The following GBE1 variants were observed in gnomAD, a reference collection of about 807,000 sequenced individuals.
GBE1 encodes the protein 1,4-alpha-glucan-branching enzyme.
In GBE1, 70 loss-of-function variants were observed where a neutral mutation model predicts 88.8. That is an observed-to-expected ratio of 0.79 (90% CI 0.65 to 0.96). The LOEUF (loss-of-function observed/expected upper bound fraction) is 0.96, where lower values mean the gene tolerates loss of function less well. Among genes scored for constraint, GBE1 ranks in the 40% least tolerant of loss-of-function variants. GBE1 has a pLI of 0.00. For missense variants in GBE1, 872 were observed against 871.0 expected, an observed-to-expected ratio of 1.00 and a Z score of -0.01; for synonymous variants, 284 against 300.1, an observed-to-expected ratio of 0.95 and a Z score of 0.56.
chr3:81,658,348 C>CA (rs909320026), intron 3 of GBE1, among the ~76,000 whole-genome samples: 37 of 150,040 alleles, frequency 2.5e-4, no homozygotes, highest in African/African-American at 5.4e-4. Flanking sequence ...ATGTATAGAA[C>CA]AAAAAAAAAG....
At chr3:81,660,710 C>CAA (rs11387316) in intron 3 of GBE1, among the ~76,000 whole-genome samples, 11 of 151,054 alleles carry the variant, frequency 7.3e-5, no homozygotes, top group South Asian at 4.2e-4. Context: ...TACTGAAGTG[C>CAA]AAAAAAAACA....
intron 7 of GBE1, among the ~76,000 whole-genome samples, chr3:81,641,694 T>A (rs922435434): frequency 2.6e-5 from 4 of 152,018 alleles, no homozygotes; most frequent in Non-Finnish European, 5.9e-5. Flanking sequence ...CTATGAAATA[T>A]AAAATAATGT....
chr3:81,630,675 T>A (rs1485532461), intron 7 of GBE1, among the ~76,000 whole-genome samples: 1 of 152,190 alleles, frequency 6.6e-6, no homozygotes, highest in Non-Finnish European at 1.5e-5. Flanking sequence ...AATTGAGATG[T>A]GCCCTAAGTG....
intron 15 of GBE1, among the ~76,000 whole-genome samples, chr3:81,497,571 T>G (rs866819923): frequency 6.6e-6 from 1 of 152,172 alleles, no homozygotes; most frequent in African/African-American, 2.4e-5. Flanking sequence ...AGGGTCAGGA[T>G]TCCAGGTCCT....
intron 14 of GBE1, among the ~76,000 whole-genome samples, chr3:81,522,910 T>G (rs1702893927): frequency 2.0e-5 from 3 of 151,516 alleles, no homozygotes; most frequent in Admixed American, 6.6e-5. Context: ...AACTTATAAC[T>G]AGTATAGCTT....
intron 14 of GBE1, among the ~76,000 whole-genome samples, chr3:81,512,536 A>C (rs1056333870): frequency 6.6e-6 from 1 of 151,894 alleles, no homozygotes; most frequent in East Asian, 1.9e-4. Context: ...AGAGAAAAAA[A>C]CCAAAATTAG....
intron 14 of GBE1, among the ~76,000 whole-genome samples, chr3:81,524,144 C>T (rs11920137): frequency 0.064 from 9,727 of 151,882 alleles, 522 homozygotes; most frequent in African/African-American, 0.14. Flanking sequence ...ACTTGCTCCA[C>T]ATCCTCACCA....
At position 81,577,977 on chromosome 3, in the gene GBE1, C is replaced by A. The variant is rs748484690; in HGVS notation, c.1566G>T (p.Met522Ile). 5.6e-6 allele frequency: 9 copies of A among 1,608,768 alleles called. No individual in the cohort carries two copies. Among genetic ancestry groups the A allele is most frequent in the Non-Finnish European group, 6.8e-6 (8 of 1,178,032 alleles). ...VIDRGIQLHK[M>I]IRLITHGLGG... Reference sequence around the variant, plus strand: ...CAAGCCCATGCGTAATGAGTCGAATCATTTTATGAAGCTGTATTCCACGAT... The same window carrying A: ...CAAGCCCATGCGTAATGAGTCGAATAATTTTATGAAGCTGTATTCCACGAT... Residue 522 changes from methionine (M) to isoleucine (I), a missense_variant, in exon 12 of 16, where the codon ATG (methionine) becomes ATT (isoleucine). By Grantham distance (10) the Met-to-Ile change is conservative (BLOSUM62 1). Coordinates refer to ENST00000429644, the MANE Select transcript of GBE1 (RefSeq NM_000158.4).
chr3:81,708,244 C>T (rs1705805882), intron 1 of GBE1, among the ~76,000 whole-genome samples: 1 of 151,764 alleles, frequency 6.6e-6, no homozygotes, highest in Non-Finnish European at 1.5e-5. Flanking sequence ...ATTTCAAAAC[C>T]ATAAGGAAAG....
chr3:81,568,784 GTA>G (rs746280929), intron 12 of GBE1, among the ~76,000 whole-genome samples: 19 of 151,112 alleles, frequency 1.3e-4, no homozygotes, highest in East Asian at 9.7e-4. Flanking sequence ...GTGTGTGTGT[GTA>G]TATATATATA....
intron 1 of GBE1, among the ~76,000 whole-genome samples, chr3:81,718,571 T>C (rs1279493155): frequency 6.6e-6 from 1 of 152,168 alleles, no homozygotes; most frequent in African/African-American, 2.4e-5. Context: ...CCCAAGATTT[T>C]ACCTCCAAAG....
chr3:81,686,198 C>T (rs567785517), intron 2 of GBE1, among the ~76,000 whole-genome samples: 10 of 152,220 alleles, frequency 6.6e-5, no homozygotes, highest in Admixed American at 2.6e-4. Flanking sequence ...TAATGTTTCG[C>T]TTTTGTGGTT....
chr3:81,726,587 T>C (rs1000072188), intron 1 of GBE1, among the ~76,000 whole-genome samples: 27 of 130,744 alleles, frequency 2.1e-4, no homozygotes, highest in African/African-American at 7.8e-4. Context: ...ATTGCAGACT[T>C]TTTTTTTTTT....
chr3:81,532,693 A>G (rs1236051995), intron 14 of GBE1, among the ~76,000 whole-genome samples: 1 of 152,076 alleles, frequency 6.6e-6, no homozygotes, highest in Non-Finnish European at 1.5e-5. Flanking sequence ...TCATAGAAAA[A>G]AGACTAATTA....
chr3:81,588,823 C>T (rs775273736), intron 9 of GBE1, among the ~76,000 whole-genome samples: 1 of 152,086 alleles, frequency 6.6e-6, no homozygotes, highest in Non-Finnish European at 1.5e-5. Context: ...CTGATCAAAG[C>T]CTTCTTCTAC....
At chr3:81,738,996 A>T (rs1706312391) in intron 1 of GBE1, among the ~76,000 whole-genome samples, 1 of 152,124 alleles carries the variant, frequency 6.6e-6, no homozygotes, top group African/African-American at 2.4e-5. Flanking sequence ...GGGATCTCTC[A>T]TAGTTTCATA....
chr3:81,595,205 T>C (rs538937466), intron 7 of GBE1, among the ~76,000 whole-genome samples: 4 of 151,600 alleles, frequency 2.6e-5, no homozygotes, highest in Non-Finnish European at 4.4e-5. Flanking sequence ...ATTTTAAGGT[T>C]AAGCAACCTT....
At chr3:81,640,277 C>G (rs1044433739) in intron 7 of GBE1, among the ~76,000 whole-genome samples, 3 of 151,796 alleles carry the variant, frequency 2.0e-5, no homozygotes, top group African/African-American at 7.3e-5. Flanking sequence ...CCCTCAGTCT[C>G]GGTGGGCACC....
chr3:81,572,092 A>G (rs571614299), intron 12 of GBE1, among the ~76,000 whole-genome samples: 2 of 152,222 alleles, frequency 1.3e-5, no homozygotes, highest in Middle Eastern at 6.8e-3. Context: ...GTGAGTTCTC[A>G]CAAGATCTGC....
Sources: allele counts gnomAD v4.1 joint callset (sites outside exome capture counted in the v4.1 genomes callset), GRCh38; gene constraint gnomAD v4.1.1; transcripts MANE v1.5; gene names NCBI Gene and HGNC (gene_info 2026-07-23, HGNC 2026-07-21).